The following CNDP1 variants were observed in gnomAD, a reference collection of about 807,000 sequenced individuals.
CNDP1 encodes the protein beta-Ala-His dipeptidase.
Under a neutral mutation model 58.1 loss-of-function variants are expected in CNDP1, and 44 were observed. That is an observed-to-expected ratio of 0.76 (90% CI 0.60 to 0.97). The LOEUF is 0.97. Ranked by LOEUF, CNDP1 falls within the 50% of genes least tolerant of loss-of-function variation. The pLI is 0.00. For missense variants in CNDP1, 616 were observed against 655.1 expected (o/e 0.94, Z 0.65); for synonymous variants, 254 against 252.6 (o/e 1.01, Z -0.05).
chr18:74,566,861 C>T (rs1981341218), intron 5 of CNDP1, among the ~76,000 whole-genome samples: 1 of 152,154 alleles, frequency 6.6e-6, no homozygotes, highest in African/African-American at 2.4e-5. Flanking sequence ...TGTATTAGTC[C>T]ATTTTCATGC....
At chr18:74,564,073 T>C (rs900439157) in intron 5 of CNDP1, among the ~76,000 whole-genome samples, 1 of 152,256 alleles carries the variant, frequency 6.6e-6, no homozygotes, top group Non-Finnish European at 1.5e-5. Context: ...ACTGAATGAC[T>C]GATTTTCTAA....
At chr18:74,553,441 G>A (rs1980959089) in intron 1 of CNDP1, among the ~76,000 whole-genome samples, 1 of 152,050 alleles carries the variant, frequency 6.6e-6, no homozygotes, top group East Asian at 1.9e-4. Flanking sequence ...CTTATATATG[G>A]TGTGAGGAAG....
At chr18:74,539,818 C>T (rs1249085715) in intron 1 of CNDP1, among the ~76,000 whole-genome samples, 1 of 152,200 alleles carries the variant, frequency 6.6e-6, no homozygotes, top group Admixed American at 6.5e-5. Flanking sequence ...GCCTATCAGC[C>T]AGTTCCAACA....
intron 1 of CNDP1, among the ~76,000 whole-genome samples, chr18:74,555,531 G>C (rs1981015475): frequency 6.6e-6 from 1 of 152,158 alleles, no homozygotes; most frequent in Non-Finnish European, 1.5e-5. Context: ...CTCTGTGAAG[G>C]GGTGACCTTG....
intron 1 of CNDP1, among the ~76,000 whole-genome samples, chr18:74,556,091 G>A (rs1981030362): frequency 6.6e-6 from 1 of 152,194 alleles, no homozygotes; most frequent in Non-Finnish European, 1.5e-5. Context: ...ACGGAATGAT[G>A]TTATTTAAAG....
intron 9 of CNDP1, among the ~76,000 whole-genome samples, chr18:74,579,359 C>T (rs1051064841): frequency 1.4e-5 from 2 of 147,014 alleles, no homozygotes; most frequent in Non-Finnish European, 3.0e-5. Flanking sequence ...CTCCCCCTCC[C>T]TTCCCTTTCC....
Position 74,567,415 on chromosome 18 carries a change from C to T in CNDP1, c.738C>T (p.Asn246=), listed in dbSNP as rs1166277973. Residue 246 remains asparagine (N), a synonymous_variant, in exon 6 of 12, where the codon AAC becomes AAT. Transcript: ENST00000358821. Reference sequence around the variant, plus strand: ...CAATCACTTACGGAACCCGGGGGAACAGCTACTTCATGGTGGAGGTATCCA... The same window carrying T: ...CAATCACTTACGGAACCCGGGGGAATAGCTACTTCATGGTGGAGGTATCCA... ...KPAITYGTRG[N]SYFMVEVKCR... The T allele has an allele frequency of 1.2e-6, 2 of 1,613,892 alleles. No homozygotes were observed. The highest frequency in any genetic ancestry group is 4.5e-5 in the East Asian group (2 of 44,886).
intron 1 of CNDP1, among the ~76,000 whole-genome samples, chr18:74,555,539 T>C (rs1402095583): frequency 1.3e-5 from 2 of 152,168 alleles, no homozygotes; most frequent in Non-Finnish European, 2.9e-5. Context: ...AGGGGTGACC[T>C]TGCCCACTTT....
At chr18:74,549,229 A>T (rs1980837480) in intron 1 of CNDP1, among the ~76,000 whole-genome samples, 1 of 152,224 alleles carries the variant, frequency 6.6e-6, no homozygotes, top group South Asian at 2.1e-4. Context: ...ATTTCCATTA[A>T]CAAAATGTAG....
chr18:74,566,613 AG>A (rs1463190704), intron 5 of CNDP1, among the ~76,000 whole-genome samples: 1 of 152,246 alleles, frequency 6.6e-6, no homozygotes, highest in Non-Finnish European at 1.5e-5. Context: ...GTTCCAAAAA[AG>A]TTCCACATCT....
chr18:74,558,113 T>G lies in CNDP1; in HGVS notation c.154-1210T>G, dbSNP rs59997595. Among the ~76,000 whole-genome samples the G allele has an allele frequency of 7.2e-4, 110 of 152,350 alleles. 1 individual carries two copies. In the East Asian group the frequency reaches 0.019, roughly 26 times the overall value. Reference sequence around the variant, plus strand: ...CCTAAGGGTTAGATAAATGCCTTCATAATAAAAATAAAAGCTCTACAACCA... The same window carrying G: ...CCTAAGGGTTAGATAAATGCCTTCAGAATAAAAATAAAAGCTCTACAACCA... On this transcript the variant is annotated intron_variant, in intron 2 of 11. Transcript: ENST00000358821.
intron 1 of CNDP1, among the ~76,000 whole-genome samples, chr18:74,549,692 C>CA (rs1415346562): frequency 2.6e-5 from 4 of 151,478 alleles, no homozygotes; most frequent in South Asian, 4.2e-4. Flanking sequence ...TGTTAAAAGC[C>CA]AAAAAAAATG....
intron 7 of CNDP1, chr18:74,574,844 C>T (rs1981585990): frequency 6.6e-6 from 1 of 152,142 alleles, no homozygotes; most frequent in African/African-American, 2.4e-5. Flanking sequence ...GAGCCGTACT[C>T]CACAGCTCTC....
At chr18:74,548,168 T>G (rs1386586415) in intron 1 of CNDP1, among the ~76,000 whole-genome samples, 1 of 152,202 alleles carries the variant, frequency 6.6e-6, no homozygotes, top group Non-Finnish European at 1.5e-5. Context: ...TCCCTAGATT[T>G]TCAATGGGTG....
chr18:74,538,344 T>C (rs907589705), intron 1 of CNDP1, among the ~76,000 whole-genome samples: 1 of 152,258 alleles, frequency 6.6e-6, no homozygotes, highest in Non-Finnish European at 1.5e-5. Flanking sequence ...GGTCCATTCA[T>C]GTCATAGCAT....
chr18:74,568,013 A>G (rs1156612229), intron 6 of CNDP1, among the ~76,000 whole-genome samples: 1 of 152,222 alleles, frequency 6.6e-6, no homozygotes, highest in African/African-American at 2.4e-5. Context: ...GTGTCATTAC[A>G]TGCAGCCTTT....
At chr18:74,583,896 T>C in intron 11 of CNDP1, 188 bp downstream of exon 11, 1 of 602,880 alleles carries the variant, frequency 1.7e-6, no homozygotes, top group Non-Finnish European at 2.9e-6. Context: ...TGCCAGGCCA[T>C]TTGGTTCCTG....
intron 7 of CNDP1, 172 bp from the exon 8 acceptor site, chr18:74,576,697 C>T (rs1981644955): frequency 2.0e-6 from 1 of 503,944 alleles, no homozygotes; most frequent in South Asian, 4.1e-5. Context: ...CAACTCCTTT[C>T]TCTGACAGTC....
chr18:74,540,219 G>A lies in CNDP1; in HGVS notation c.24+5528G>A, dbSNP rs144727082. 4.2e-3 allele frequency among the ~76,000 whole-genome samples: 635 copies of A among 150,136 alleles called. 4 individuals are homozygous for A. The highest frequency in any genetic ancestry group is 0.015 in the African/African-American group (602 of 40,738). ...GTTGCCCAGGCTAGAGTGCAATGGC[G>A]CGATCTCAGCTCACTGCAACCTCCG... is the stretch of plus-strand genomic sequence containing the variant. On this transcript the variant is annotated intron_variant, in intron 1 of 11. Transcript: ENST00000358821.
Sources: gnomAD v4.1 joint callset for allele counts (sites outside exome capture counted in the v4.1 genomes callset) on GRCh38, gnomAD v4.1.1 for gene constraint, MANE v1.5 for transcripts, NCBI Gene and HGNC (gene_info 2026-07-23, HGNC 2026-07-21) for gene names.